SHCBP1L: variants seen among roughly 807,000 people sequenced by gnomAD.
SHCBP1L encodes testicular spindle-associated protein SHCBP1L.
Under a neutral mutation model 62.5 loss-of-function variants are expected in SHCBP1L, and 67 were observed. The observed-to-expected ratio is 1.07, with a 90% CI of 0.88 to 1.31. The LOEUF is 1.31. Among genes scored for constraint, SHCBP1L ranks in the 40% most tolerant of loss-of-function variants. The pLI, the probability that SHCBP1L is intolerant of heterozygous loss-of-function variation, is 0.00. For missense variants in SHCBP1L, 823 were observed against 809.8 expected, an observed-to-expected ratio of 1.02 and a Z score of -0.20; for synonymous variants, 284 against 289.4, an observed-to-expected ratio of 0.98 and a Z score of 0.19.
chr1:182,924,915 A>AAAGG lies in SHCBP1L; in HGVS notation c.1182+4728_1182+4731dup, dbSNP rs767334544. 7.1e-3 allele frequency among the ~76,000 whole-genome samples: 632 copies of AAAGG among 89,214 alleles called. 22 individuals are homozygous for AAAGG. The highest frequency in any genetic ancestry group is 0.024 in the African/African-American group (500 of 20,984). 58.5% of individuals were successfully genotyped at this position (89,214 alleles called of 152,430 possible). On this transcript the variant is annotated intron_variant, in intron 6 of 9. Coordinates refer to ENST00000367547, the MANE Select transcript of SHCBP1L (RefSeq NM_030933.4). ...ACAAAGAGAGAGAGAGAAAGAAAGG[A>AAAGG]AAGGAAGGAAGGAAGGAAGGAAGAA...
At chr1:182,952,585 A>C (rs1175808155) in intron 1 of SHCBP1L, 144 bp downstream of exon 1, 18 of 945,732 alleles carry the variant, frequency 1.9e-5, no homozygotes, top group Non-Finnish European at 2.6e-5. Flanking sequence ...CGCTCTATAC[A>C]TGTTGACTCC....
At chr1:182,919,411 C>T (rs2101931526) in intron 6 of SHCBP1L, among the ~76,000 whole-genome samples, 1 of 152,260 alleles carries the variant, frequency 6.6e-6, no homozygotes, top group Middle Eastern at 3.4e-3. Context: ...TCCCATAATT[C>T]CTTTTTATAG....
rs758703489 is a variant in SHCBP1L, at chr1:182,952,763, G to A, written c.371C>T (p.Ser124Leu). The stretch of plus-strand genomic sequence containing the variant: ...CTGCAGCACTTCGTCGCAATACAGC[G>A]ACACCTTCTCGTCCCGCCACATCCC... ...MRGMWRDEKV[S>L]LYCDEVLQDC... The change falls in exon 1 of 10, where the codon TCG becomes TTG. Residue 124 changes from serine (S) to leucine (L), a missense_variant. Physicochemically the swap from Ser to Leu is moderately radical, Grantham distance 145. Transcript: ENST00000367547. 3.1e-6 allele frequency: 5 copies of A among 1,611,710 alleles called. No individual in the cohort carries two copies. Among genetic ancestry groups the A allele is most frequent in the Non-Finnish European group, 3.4e-6 (4 of 1,179,174 alleles).
chr1:182,901,166 G>C (rs1458688464), intron 9 of SHCBP1L, among the ~76,000 whole-genome samples: 2 of 152,054 alleles, frequency 1.3e-5, no homozygotes, highest in Admixed American at 6.6e-5. Context: ...TCTATAGAAA[G>C]AGTGTTTCAG....
At chr1:182,914,770 C>T (rs1218064484) in intron 6 of SHCBP1L, among the ~76,000 whole-genome samples, 1 of 152,042 alleles carries the variant, frequency 6.6e-6, no homozygotes, top group Admixed American at 6.6e-5. Flanking sequence ...GAAGTAAGTC[C>T]TTCCTTATCA....
intron 6 of SHCBP1L, among the ~76,000 whole-genome samples, chr1:182,916,743 T>G (rs2101929099): frequency 6.6e-6 from 1 of 152,258 alleles, no homozygotes; most frequent in South Asian, 2.1e-4. Flanking sequence ...AAAAAATCAG[T>G]AAGCAAAAAT....
rs971917854 is a variant in SHCBP1L at position 182,947,213 on chromosome 1, G to T, written c.555+4105C>A. On this transcript the variant is annotated intron_variant, in intron 2 of 9. Coordinates refer to ENST00000367547, the MANE Select transcript of SHCBP1L (RefSeq NM_030933.4). Reference sequence around the variant, plus strand: ...GATCGCGCCATGGTACTCCAGCCTGGGTGACAGAGTGAGACTCTGTCTCAA... The same window carrying T: ...GATCGCGCCATGGTACTCCAGCCTGTGTGACAGAGTGAGACTCTGTCTCAA... Among the ~76,000 whole-genome samples the T allele has an allele frequency of 2.7e-5, 4 of 148,624 alleles. No homozygotes were observed. The East Asian group carries it at 7.9e-4, about 29-fold the overall frequency.
intron 6 of SHCBP1L, among the ~76,000 whole-genome samples, chr1:182,919,223 A>C (rs1650448076): frequency 6.6e-6 from 1 of 152,224 alleles, no homozygotes; most frequent in African/African-American, 2.4e-5. Context: ...ATTAGCTCAC[A>C]GTTCTGGAGG....
chr1:182,905,789 G>C, intron 6 of SHCBP1L, 140 bp from the exon 7 acceptor site: 1 of 734,284 alleles, frequency 1.4e-6, no homozygotes, highest in South Asian at 2.0e-5. Flanking sequence ...AATGCTCAAA[G>C]TATCAGTTCA....
chr1:182,903,078 A>C lies in SHCBP1L; in HGVS notation c.1671T>G (p.Ser557Arg). The change falls in exon 9 of 10, where the codon AGT becomes AGG. Residue 557 changes from serine to arginine, a missense_variant. Transcript: ENST00000367547. ...EIHHCNNLRT[S>R]NSSKSTLGGV... is the part of the protein sequence containing the mutation. The stretch of plus-strand genomic sequence containing the variant: ...CACCTAAGGTGCTTTTTGAACTGTT[A>C]CTGGTTCTGAGGTTATTACAGTGAT... The C allele has an allele frequency of 1.9e-6, 3 of 1,601,072 alleles. No homozygotes were observed. Among genetic ancestry groups the C allele is most frequent in the Non-Finnish European group, 2.6e-6 (3 of 1,173,640 alleles).
chr1:182,942,642 G>C (rs1275248756), intron 2 of SHCBP1L, among the ~76,000 whole-genome samples: 1 of 152,166 alleles, frequency 6.6e-6, no homozygotes, highest in Non-Finnish European at 1.5e-5. Context: ...CAGTGCTTCA[G>C]AACCAAAGTT....
At chr1:182,945,098 G>A (rs1259988588) in intron 2 of SHCBP1L, among the ~76,000 whole-genome samples, 1 of 151,340 alleles carries the variant, frequency 6.6e-6, no homozygotes, top group African/African-American at 2.4e-5. Context: ...CACGTATCTG[G>A]GACTACAGGC....
intron 6 of SHCBP1L, among the ~76,000 whole-genome samples, chr1:182,907,348 G>T (rs962050068): frequency 6.7e-6 from 1 of 149,830 alleles, no homozygotes; most frequent in Non-Finnish European, 1.5e-5. Flanking sequence ...CAGGAGAATC[G>T]CTTGAACCCG....
intron 2 of SHCBP1L, among the ~76,000 whole-genome samples, chr1:182,943,314 G>C (rs999770020): frequency 1.4e-5 from 2 of 146,142 alleles, no homozygotes; most frequent in African/African-American, 5.1e-5. Context: ...TACAGACAGG[G>C]TCTCACTATG....
intron 2 of SHCBP1L, among the ~76,000 whole-genome samples, chr1:182,947,765 A>T (rs1313621554): frequency 1.3e-5 from 2 of 152,118 alleles, no homozygotes; most frequent in East Asian, 3.8e-4. Flanking sequence ...CTTGCTCTCA[A>T]ATTTCTGGGC....
intron 1 of SHCBP1L, among the ~76,000 whole-genome samples, chr1:182,952,173 A>T (rs1651769805): frequency 2.5e-5 from 1 of 40,426 alleles, no homozygotes; most frequent in African/African-American, 9.9e-5. Context: ...AAAAAAAAAA[A>T]AAAAAAAAAA....
At chr1:182,916,496 T>C (rs1038322942) in intron 6 of SHCBP1L, among the ~76,000 whole-genome samples, 9 of 151,978 alleles carry the variant, frequency 5.9e-5, no homozygotes, top group African/African-American at 1.9e-4. Flanking sequence ...ACAACTAAAA[T>C]CAGATATGAA....
At chr1:182,924,727 A>G (rs1308762060) in intron 6 of SHCBP1L, among the ~76,000 whole-genome samples, 1 of 83,488 alleles carries the variant, frequency 1.2e-5, no homozygotes, top group African/African-American at 9.7e-5. Context: ...AAAGAAAGAA[A>G]GAAAGAAAGA....
At chr1:182,903,186 T>C in intron 8 of SHCBP1L, 25 bp from the exon 9 acceptor site, 1 of 1,500,326 alleles carries the variant, frequency 6.7e-7, no homozygotes, top group Non-Finnish European at 8.9e-7. Context: ...CAAATAAAAC[T>C]ATCTACAAAA....
Sources: gnomAD v4.1 joint callset for allele counts (sites outside exome capture counted in the v4.1 genomes callset) on GRCh38, gnomAD v4.1.1 for gene constraint, MANE v1.5 for transcripts, NCBI Gene and HGNC (gene_info 2026-07-23, HGNC 2026-07-21) for gene names.